The following TBC1D22A variants were observed in gnomAD, a reference collection of about 807,000 sequenced individuals.
TBC1D22A encodes putative GTPase activator.
In TBC1D22A, 38 loss-of-function variants were observed where a neutral mutation model predicts 60.2. That is an observed-to-expected ratio of 0.63 (90% CI 0.49 to 0.83). The LOEUF (loss-of-function observed/expected upper bound fraction) is 0.83. TBC1D22A is among the 40% of genes least tolerant of loss of function. The pLI is 0.00. For missense variants in TBC1D22A, 628 were observed against 701.0 expected (o/e 0.90, Z 1.18); for synonymous variants, 302 against 281.7 (o/e 1.07, Z -0.72).
At chr22:46,887,261 G>C (rs2068164229) in intron 5 of TBC1D22A, among the ~76,000 whole-genome samples, 1 of 152,190 alleles carries the variant, frequency 6.6e-6, no homozygotes, top group South Asian at 2.1e-4. Flanking sequence ...ATGAAATGTA[G>C]CTTAATAGAT....
chr22:46,936,086 A>C (rs568449717), intron 8 of TBC1D22A, among the ~76,000 whole-genome samples: 155 of 152,332 alleles, frequency 1.0e-3, no homozygotes, highest in African/African-American at 3.6e-3. Flanking sequence ...CATCCTCAGC[A>C]CTGTTCCACC....
chr22:46,997,254 C>T (rs560113329), intron 9 of TBC1D22A, among the ~76,000 whole-genome samples: 1 of 152,364 alleles, frequency 6.6e-6, no homozygotes, highest in Non-Finnish European at 1.5e-5. Context: ...GGGCTGAGTG[C>T]TTAGGGTCCA....
intron 8 of TBC1D22A, among the ~76,000 whole-genome samples, chr22:46,968,768 G>C (rs2073931818): frequency 6.6e-6 from 1 of 152,164 alleles, no homozygotes; most frequent in South Asian, 2.1e-4. Context: ...GTGGAAAGAG[G>C]GGCCAAGAAT....
chr22:47,111,418 A>G (rs1271522573), intron 11 of TBC1D22A, 90 bp from the exon 12 acceptor site: 4 of 1,184,720 alleles, frequency 3.4e-6, no homozygotes, highest in Non-Finnish European at 4.9e-6. Context: ...AACCCTGACT[A>G]GATAAACCCT....
chr22:46,845,335 C>G (rs2086943662), intron 4 of TBC1D22A, among the ~76,000 whole-genome samples: 1 of 152,164 alleles, frequency 6.6e-6, no homozygotes, highest in African/African-American at 2.4e-5. Context: ...CTGAATAAGT[C>G]TTTTGTTCCA....
rs571512120 is a variant in TBC1D22A at position 47,102,246 on chromosome 22, T to C, written c.1330-9262T>C. On this transcript the variant is annotated intron_variant, in intron 11 of 12. Transcript: ENST00000337137. ...GATTTTCAGGACAGGCCTGGTGGCATGGAGGTGGGGGATGCCAGAAGTGGC... is the reference window on the plus strand; with the variant it reads ...GATTTTCAGGACAGGCCTGGTGGCACGGAGGTGGGGGATGCCAGAAGTGGC... Among the ~76,000 whole-genome samples the C allele has an allele frequency of 2.2e-4, 33 of 152,294 alleles. No homozygotes were observed. The East Asian group carries it at 6.0e-3, about 28-fold the overall frequency.
chr22:46,856,226 C>T (rs1457387790), intron 4 of TBC1D22A, among the ~76,000 whole-genome samples: 1 of 152,202 alleles, frequency 6.6e-6, no homozygotes, highest in Non-Finnish European at 1.5e-5. Context: ...GGAGCCTCTG[C>T]GTGGCTGCCC....
intron 12 of TBC1D22A, among the ~76,000 whole-genome samples, chr22:47,151,110 G>C (rs560563905): frequency 6.6e-6 from 1 of 152,128 alleles, no homozygotes; most frequent in Non-Finnish European, 1.5e-5. Context: ...AACCCGCTCC[G>C]CTTAAAGGAA....
intron 12 of TBC1D22A, among the ~76,000 whole-genome samples, chr22:47,150,481 C>T (rs754885056): frequency 2.6e-5 from 4 of 152,192 alleles, no homozygotes; most frequent in African/African-American, 4.8e-5. Context: ...GAACAGCTCT[C>T]GAGCCCGCGT....
At chr22:46,879,042 G>A (rs577684113) in intron 5 of TBC1D22A, among the ~76,000 whole-genome samples, 181 of 152,032 alleles carry the variant, frequency 1.2e-3, no homozygotes, top group African/African-American at 4.2e-3. Flanking sequence ...TTTCAACTCC[G>A]AGGAGTTGAA....
intron 8 of TBC1D22A, among the ~76,000 whole-genome samples, chr22:46,938,590 T>TC (rs1239951610): frequency 1.0e-5 from 1 of 98,652 alleles, no homozygotes; most frequent in Admixed American, 1.1e-4. Flanking sequence ...TATTTCTCTC[T>TC]TTTTTTTTTT....
chr22:46,949,474 T>C (rs1462037459), intron 8 of TBC1D22A, among the ~76,000 whole-genome samples: 1 of 152,188 alleles, frequency 6.6e-6, no homozygotes, highest in African/African-American at 2.4e-5. Context: ...ACAATGTTTG[T>C]GTGGGGCCTT....
intron 4 of TBC1D22A, among the ~76,000 whole-genome samples, chr22:46,844,971 TTC>T (rs2086927028): frequency 6.6e-6 from 1 of 152,196 alleles, no homozygotes; most frequent in African/African-American, 2.4e-5. Flanking sequence ...AACTCTGGAA[TTC>T]TCTGGAGAAG....
At chr22:46,865,592 C>T (rs1350242339) in intron 4 of TBC1D22A, among the ~76,000 whole-genome samples, 1 of 152,172 alleles carries the variant, frequency 6.6e-6, no homozygotes, top group Non-Finnish European at 1.5e-5. Flanking sequence ...TCAGTATCCC[C>T]AAGGGAAATG....
chr22:47,051,979 C>T (rs1172013596), intron 11 of TBC1D22A, among the ~76,000 whole-genome samples: 1 of 152,182 alleles, frequency 6.6e-6, no homozygotes, highest in East Asian at 1.9e-4. Flanking sequence ...GCTTTCTCGG[C>T]CTCTGGGGAA....
At chr22:47,070,374 C>T (rs1478698842) in intron 11 of TBC1D22A, among the ~76,000 whole-genome samples, 1 of 148,256 alleles carries the variant, frequency 6.7e-6, no homozygotes, top group East Asian at 2.0e-4. Context: ...CTGGCTGTTC[C>T]CTGTTGTTTG....
intron 11 of TBC1D22A, among the ~76,000 whole-genome samples, chr22:47,079,104 T>TTTA (rs2064349313): frequency 6.6e-6 from 1 of 150,698 alleles, no homozygotes; most frequent in Non-Finnish European, 1.5e-5. Flanking sequence ...TTTTTTTTTT[T>TTTA]GAGACAAGGT....
intron 8 of TBC1D22A, among the ~76,000 whole-genome samples, chr22:46,959,718 G>A (rs1048793451): frequency 6.6e-6 from 1 of 152,136 alleles, no homozygotes; most frequent in Non-Finnish European, 1.5e-5. Flanking sequence ...GCCCAGCCGC[G>A]CCTCCTGGCT....
chr22:47,015,254 C>T (rs1007156940), intron 10 of TBC1D22A, among the ~76,000 whole-genome samples: 5 of 152,180 alleles, frequency 3.3e-5, no homozygotes, highest in African/African-American at 7.2e-5. Flanking sequence ...CGGTTCCTGG[C>T]GCAGGTGCCT....
Sources: allele counts gnomAD v4.1 joint callset (sites outside exome capture counted in the v4.1 genomes callset), GRCh38; gene constraint gnomAD v4.1.1; transcripts MANE v1.5; gene names NCBI Gene and HGNC (gene_info 2026-07-23, HGNC 2026-07-21).